TERF1: variants seen among roughly 807,000 people sequenced by gnomAD.
TERF1 encodes telomeric repeat binding factor 1.
Under a neutral mutation model 55.1 loss-of-function variants are expected in TERF1, and 20 were observed. That is an observed-to-expected ratio of 0.36 (90% CI 0.26 to 0.53). The LOEUF (loss-of-function observed/expected upper bound fraction) is 0.53, where lower values mean the gene tolerates loss of function less well. Among genes scored for constraint, TERF1 ranks in the 20% least tolerant of loss-of-function variants. The pLI is 0.91. For missense variants in TERF1, 439 were observed against 535.7 expected (o/e 0.82, Z 1.78); for synonymous variants, 168 against 181.2 (o/e 0.93, Z 0.59).
chr8:73,021,427 T>G (rs1160899332), intron 3 of TERF1, among the ~76,000 whole-genome samples: 1 of 152,110 alleles, frequency 6.6e-6, no homozygotes, highest in Non-Finnish European at 1.5e-5. Flanking sequence ...AGCAAAGAGA[T>G]TTGTCATGTT....
intron 9 of TERF1, among the ~76,000 whole-genome samples, chr8:73,042,458 GT>G (rs200577708): frequency 6.6e-6 from 1 of 150,862 alleles, no homozygotes; most frequent in African/African-American, 2.5e-5. Context: ...TTGTATTGAG[GT>G]TTTTAAAAAA....
intron 8 of TERF1, 184 bp from the exon 9 acceptor site, chr8:73,038,932 T>A: frequency 1.9e-6 from 1 of 524,866 alleles, no homozygotes; most frequent in Non-Finnish European, 3.0e-6. Flanking sequence ...ACACTCCCCC[T>A]CTGATTTCAA....
chr8:73,037,672 ATT>A (rs1809609316), intron 8 of TERF1, among the ~76,000 whole-genome samples: 1 of 75,422 alleles, frequency 1.3e-5, no homozygotes, highest in Non-Finnish European at 2.3e-5. Flanking sequence ...ATAATATTAT[ATT>A]ATATATAATA....
At chr8:73,026,193 GT>G (rs1046072153) in intron 5 of TERF1, among the ~76,000 whole-genome samples, 12 of 123,480 alleles carry the variant, frequency 9.7e-5, no homozygotes, top group African/African-American at 3.7e-4. Flanking sequence ...AGTGAGACTT[GT>G]CTCAAAAAAA....
chr8:73,017,781 C>A (rs1282602371), intron 2 of TERF1, among the ~76,000 whole-genome samples: 1 of 151,520 alleles, frequency 6.6e-6, no homozygotes, highest in Non-Finnish European at 1.5e-5. Context: ...TGGCTCACTG[C>A]AACCTCCGCC....
intron 1 of TERF1, chr8:73,010,224 T>G (rs1808230091): frequency 6.6e-6 from 1 of 152,246 alleles, no homozygotes; most frequent in South Asian, 2.1e-4. Flanking sequence ...TCCTGTGAGT[T>G]AGGCAAATAA....
chr8:73,032,069 G>T lies in TERF1; in HGVS notation c.975G>T (p.Lys325Asn), dbSNP rs1432534131. Residue 325 changes from lysine to asparagine, a missense_variant, in exon 8 of 10, where the codon AAG becomes AAT. Lys to Asn is a moderately conservative substitution (Grantham distance 94). This residue lies in a region of TERF1 where 140 missense variants were observed against 158.6 expected (regional missense o/e 0.88). Coordinates refer to ENST00000276603, the MANE Select transcript of TERF1 (RefSeq NM_017489.3). ...LRSHKNLFLS[K>N]LQHGTQQQDL... Reference sequence around the variant, plus strand: ...CTCACAAGAATCTTTTCTTATCTAAGTTGCAACATGGAACCCAGCAACAAG... The same window carrying T: ...CTCACAAGAATCTTTTCTTATCTAATTTGCAACATGGAACCCAGCAACAAG... 6.2e-7 allele frequency: 1 copy of T among 1,611,410 alleles called. No individual in the cohort carries two copies. The highest frequency in any genetic ancestry group is 1.7e-5 in the Admixed American group (1 of 59,742).
In TERF1 at chr8:73,032,140, A is replaced by C; in HGVS notation, c.1039+7A>C. 6.3e-7 allele frequency: 1 copy of C among 1,594,000 alleles called. No individual in the cohort carries two copies. Among genetic ancestry groups the C allele is most frequent in the Middle Eastern group, 1.7e-4 (1 of 5,992 alleles). The stretch of plus-strand genomic sequence containing the variant: ...AGAGTAGGAACTCCTCAAAGTGAGT[A>C]CTGTTATAACAGTTTTAGAAGGGGA... On this transcript the variant is annotated splice_region_variant and intron_variant, in intron 8 of 9. Coordinates refer to ENST00000276603, the MANE Select transcript of TERF1 (RefSeq NM_017489.3).
chr8:73,037,835 AATAT>A (rs534882910), intron 8 of TERF1, among the ~76,000 whole-genome samples: 2 of 98,956 alleles, frequency 2.0e-5, no homozygotes, highest in Non-Finnish European at 3.9e-5. Context: ...ATAGTATAAT[AATAT>A]ATATAATATA....
chr8:73,013,719 A>G, intron 1 of TERF1, 176 bp from the exon 2 acceptor site: 1 of 570,220 alleles, frequency 1.8e-6, no homozygotes, highest in Non-Finnish European at 3.1e-6. Context: ...TTTGTAAGAA[A>G]TGTCTTCATT....
chr8:73,038,222 G>C (rs1809686945), intron 8 of TERF1, among the ~76,000 whole-genome samples: 1 of 151,986 alleles, frequency 6.6e-6, no homozygotes, highest in South Asian at 2.1e-4. Context: ...GGCCAAGGCA[G>C]GAGGATTACT....
Position 73,026,959 on chromosome 8 carries a change from A to G in TERF1, c.794A>G (p.Glu265Gly), listed in dbSNP as rs1434748306. ...TTTAAGGCAGCGGCAAAAGTAGTAG[A>G]AAGCAAAAGGACAAGAACAATAACT... ...FLMKAAAKVV[E>G]SKRTRTITSQ... Residue 265 changes from glutamate (E) to glycine (G), a missense_variant, in exon 6 of 10, where the codon GAA becomes GGA. By Grantham distance (98) the Glu-to-Gly change is moderately conservative. Coordinates refer to ENST00000276603, the MANE Select transcript of TERF1 (RefSeq NM_017489.3). 6.2e-7 allele frequency: 1 copy of G among 1,611,582 alleles called. No homozygotes were observed. The highest frequency in any genetic ancestry group is 1.3e-5 in the African/African-American group (1 of 74,966).
At chr8:73,009,906 C>G (rs1479882134) in intron 1 of TERF1, 1 of 152,012 alleles carries the variant, frequency 6.6e-6, no homozygotes, top group African/African-American at 2.4e-5. Context: ...GTCACCCAGG[C>G]TGGAGAGTGT....
At chr8:73,034,298 A>G (rs1809418571) in intron 8 of TERF1, among the ~76,000 whole-genome samples, 1 of 151,174 alleles carries the variant, frequency 6.6e-6, no homozygotes, top group South Asian at 2.1e-4. Context: ...CACCCGGCAG[A>G]TTTTTGTATT....
intron 8 of TERF1, among the ~76,000 whole-genome samples, chr8:73,037,758 T>TTATATAGTATAATATTATATTATATATAA (rs1809632311): frequency 2.7e-5 from 2 of 75,096 alleles, no homozygotes; most frequent in African/African-American, 1.2e-4. Context: ...ATATATAATA[T>TTATATAGTATAATATTATATTATATATAA]TATATAGTAT....
chr8:73,015,652 G>A (rs760607179), intron 2 of TERF1, among the ~76,000 whole-genome samples: 7 of 151,470 alleles, frequency 4.6e-5, no homozygotes, highest in Non-Finnish European at 8.8e-5. Context: ...CCTTGCTAAC[G>A]TGGTGAAACC....
chr8:73,023,202 G>C (rs1434905969), intron 4 of TERF1, among the ~76,000 whole-genome samples: 1 of 152,182 alleles, frequency 6.6e-6, no homozygotes, highest in African/African-American at 2.4e-5. Context: ...TACATACTCA[G>C]TTTTAGTAGA....
At chr8:73,033,607 G>A (rs1809388837) in intron 8 of TERF1, among the ~76,000 whole-genome samples, 2 of 152,110 alleles carry the variant, frequency 1.3e-5, no homozygotes, top group South Asian at 4.1e-4. Flanking sequence ...GGTGGTGCCT[G>A]CCTGTAATGC....
In TERF1 at chr8:73,030,342, T is replaced by G. The variant is rs1282237366; in HGVS notation, c.894T>G (p.Ser298Arg). Residue 298 changes from serine to arginine, a missense_variant, in exon 7 of 10, where the codon AGT becomes AGG. By Grantham distance (110) the Ser-to-Arg change is moderately radical. Transcript: ENST00000276603. The part of the protein sequence containing the change: ...EANLDTRKSV[S>R]DKQSAVTESS... ...ATTTTTTCTTCTTTTAAAGTGTTAG[T>G]GACAAACAGTCTGCGGTAACTGAAT... The G allele has an allele frequency of 3.3e-6, 5 of 1,531,794 alleles. No individual in the cohort carries two copies. Among genetic ancestry groups the G allele is most frequent in the Non-Finnish European group, 4.3e-6 (5 of 1,150,106 alleles). 94.9% of individuals were successfully genotyped at this position (1,531,794 alleles called of 1,614,324 possible). A position where few individuals can be genotyped will look rare whatever the true frequency, so the allele number is the denominator to read the frequency against.
Sources: allele counts gnomAD v4.1 joint callset (sites outside exome capture counted in the v4.1 genomes callset), GRCh38; gene constraint gnomAD v4.1.1; regional missense constraint gnomAD v4.1.1; transcripts MANE v1.5; gene names NCBI Gene and HGNC (gene_info 2026-07-23, HGNC 2026-07-21).